The following EMC3 variants were observed in gnomAD, a reference collection of about 807,000 sequenced individuals.
EMC3 encodes 30 kDa protein.
Under a neutral mutation model 36.6 loss-of-function variants are expected in EMC3, and 13 were observed. That is an observed-to-expected ratio of 0.35 (90% confidence interval 0.23 to 0.56). The LOEUF is 0.56. Among genes scored for constraint, EMC3 ranks in the 20% least tolerant of loss-of-function variants. The pLI is 0.84. For synonymous variants in EMC3, 120 were observed against 111.9 expected (o/e 1.07, Z -0.46); for missense variants, 220 against 324.5 (o/e 0.68, Z 2.47).
chr3:10,004,842 G>C lies in EMC3; in HGVS notation c.-242+6181C>G, dbSNP rs1292161428. 2.0e-5 allele frequency: 3 copies of C among 152,450 alleles called. No individual in the cohort carries two copies. In the East Asian group the frequency reaches 5.8e-4, roughly 29 times the overall value. The allele number at this position is 152,450 out of a possible 1,614,324, so 9.4% of individuals were successfully genotyped here. The stretch of plus-strand genomic sequence containing the variant: ...ACGGCCCTCAGACCCAGAGGGTTTG[G>C]AGCCTGGGGTATTGTCACCGACAGT... On this transcript the variant is annotated intron_variant, in intron 1 of 8. Transcript: ENST00000470827.
upstream of EMC3, among the ~76,000 whole-genome samples, chr3:9,990,702 AT>A (rs2086038938): frequency 6.7e-6 from 1 of 149,710 alleles, no homozygotes; most frequent in South Asian, 2.1e-4. Flanking sequence ...CAGAGATGGG[AT>A]TTCACCATAT....
rs531900812 is a variant in EMC3 at position 10,008,688 on chromosome 3, C to T, written c.-242+2335G>A. ...ACAGATGGCAAAGATTTGCTGTTTA[C>T]CCCGTCCCAGGCTGCCCCGCACCCA... On this transcript the variant is annotated intron_variant, in intron 1 of 8. Transcript: ENST00000470827. 4 of 352,224 alleles carry T rather than the reference C, an allele frequency of 1.1e-5. No individual in the cohort carries two copies. In the East Asian group the frequency reaches 2.4e-4, roughly 21 times the overall value. The allele number at this position is 352,224 out of a possible 1,614,324, so 21.8% of individuals were successfully genotyped here. A position where few individuals can be genotyped will look rare whatever the true frequency, so the allele number is the denominator to read the frequency against.
rs2085856998 is a variant in EMC3, at chr3:9,976,995, T to G, written c.269A>C (p.Lys90Thr). 1.2e-6 allele frequency: 2 copies of G among 1,612,950 alleles called. No homozygotes were observed. The highest frequency in any genetic ancestry group is 1.7e-6 in the Non-Finnish European group (2 of 1,179,764). ...AGGTGGCACTACCTTCCGTTTAGTTTTTTTGAAAAATCCATCCTCTGGGTT... is the reference window on the plus strand; with the variant it reads ...AGGTGGCACTACCTTCCGTTTAGTTGTTTTGAAAAATCCATCCTCTGGGTT... ...FNNPEDGFFKKTKRKVVPPSP... is the reference protein window; with the variant it reads ...FNNPEDGFFKTTKRKVVPPSP... The change falls in exon 3 of 8, where the codon AAA becomes ACA. Residue 90 changes from lysine (K) to threonine (T), a missense_variant. By Grantham distance (78) the Lys-to-Thr change is moderately conservative. Coordinates refer to ENST00000245046, the MANE Select transcript of EMC3 (RefSeq NM_001394674.1).
At chr3:9,976,796 A>G (rs576580688) in intron 3 of EMC3, among the ~76,000 whole-genome samples, 161 bp downstream of exon 3, 299 of 152,286 alleles carry the variant, frequency 2.0e-3, no homozygotes, top group Non-Finnish European at 3.3e-3. Flanking sequence ...AGAGAATTCC[A>G]CTTCCATAGA....
intron 1 of EMC3, among the ~76,000 whole-genome samples, chr3:9,984,121 C>T (rs1362307764): frequency 2.7e-5 from 4 of 150,838 alleles, no homozygotes; most frequent in Non-Finnish European, 4.4e-5. Context: ...CTCGCTCTGT[C>T]GCCAGGCTGG....
chr3:9,971,111 T>TG (rs1371882923), intron 5 of EMC3, among the ~76,000 whole-genome samples: 3 of 152,044 alleles, frequency 2.0e-5, no homozygotes, highest in Admixed American at 1.3e-4. Context: ...TTATTAGAGA[T>TG]GGGGTCTCAC....
intron 1 of EMC3, among the ~76,000 whole-genome samples, chr3:9,998,366 AAATAATAATAATAATAATAAT>A (rs35879571): frequency 8.0e-5 from 11 of 137,386 alleles, no homozygotes; most frequent in African/African-American, 2.7e-4. Flanking sequence ...ACTCTGTCTC[AAATAATAATAATAATAATAAT>A]AATAATAATA....
At chr3:9,969,290 T>C (rs2085761867) in intron 7 of EMC3, 2 of 1,092,992 alleles carry the variant, frequency 1.8e-6, no homozygotes, top group Admixed American at 9.9e-5. Context: ...GTTTCTATCA[T>C]GAAACACAGT....
At chr3:9,984,846 G>A (rs2085952912) in intron 1 of EMC3, among the ~76,000 whole-genome samples, 1 of 152,238 alleles carries the variant, frequency 6.6e-6, no homozygotes, top group Non-Finnish European at 1.5e-5. Context: ...GTCACCCTGT[G>A]TGACGCTGTA....
rs1170826701 is a variant in EMC3, at chr3:9,970,507, C to A, written c.574+75G>T. 4.1e-5 allele frequency: 61 copies of A among 1,484,876 alleles called. 1 individual carries two copies. The highest frequency in any genetic ancestry group is 1.7e-5 in the Admixed American group (1 of 59,846). The allele number at this position is 1,484,876 out of a possible 1,614,324, so 92.0% of individuals were successfully genotyped here. Reference sequence around the variant, plus strand: ...CTATGGTAACAAACAGCACAACCTACAAGACTTTTCTGGCTCTAATATGGA... The same window carrying A: ...CTATGGTAACAAACAGCACAACCTAAAAGACTTTTCTGGCTCTAATATGGA... On this transcript the variant is annotated intron_variant, in intron 6 of 7. Transcript: ENST00000245046.
At chr3:9,997,291 C>T (rs1255863794) in intron 1 of EMC3, among the ~76,000 whole-genome samples, 1 of 151,128 alleles carries the variant, frequency 6.6e-6, no homozygotes, top group East Asian at 1.9e-4. Flanking sequence ...AGGATGGTCT[C>T]GATCTCCTGA....
upstream of EMC3, among the ~76,000 whole-genome samples, chr3:9,989,487 A>G (rs504587): frequency 4.4e-4 from 67 of 152,342 alleles, 2 homozygotes; most frequent in East Asian, 0.011. Flanking sequence ...ATAAAAAGCC[A>G]GATGATTGAG....
At chr3:9,988,391 A>G, upstream of EMC3, 4 of 1,255,376 alleles carry the variant, frequency 3.2e-6, no homozygotes, top group Non-Finnish European at 4.7e-6. Flanking sequence ...AAATCAAGAA[A>G]GCAGCGGTCA....
intron 1 of EMC3, among the ~76,000 whole-genome samples, chr3:10,001,314 C>A (rs1405795897): frequency 6.6e-6 from 1 of 151,078 alleles, no homozygotes; most frequent in Non-Finnish European, 1.5e-5. Context: ...GTATTCCCAG[C>A]ACTTTGGGGG....
chr3:9,985,701 C>G (rs2085963023), intron 1 of EMC3, among the ~76,000 whole-genome samples: 1 of 152,080 alleles, frequency 6.6e-6, no homozygotes, highest in African/African-American at 2.4e-5. Context: ...CGAGAACAGC[C>G]TGGCCAAGAT....
At chr3:9,987,361 G>A, upstream of EMC3, 1 of 953,098 alleles carries the variant, frequency 1.0e-6, no homozygotes, top group Non-Finnish European at 1.2e-6. Context: ...CTTCTCTGGG[G>A]CTCCGCGCCC....
chr3:9,969,947 G>C, intron 6 of EMC3, 146 bp from the exon 7 acceptor site: 1 of 1,342,710 alleles, frequency 7.4e-7, no homozygotes, highest in South Asian at 1.6e-5. Context: ...GTGACTCTAG[G>C]AAAGTCACTT....
At chr3:9,996,991 A>G (rs2086134010) in intron 1 of EMC3, among the ~76,000 whole-genome samples, 1 of 152,140 alleles carries the variant, frequency 6.6e-6, no homozygotes. Flanking sequence ...AGCATTAAGT[A>G]TATTCATAAT....
At chr3:10,005,010 GTT>G (rs1177461808) in intron 1 of EMC3, 1 of 152,234 alleles carries the variant, frequency 6.6e-6, no homozygotes, top group Non-Finnish European at 1.5e-5. Context: ...AAAACTATCA[GTT>G]CATAGACACC....
Sources: allele counts gnomAD v4.1 joint callset (sites outside exome capture counted in the v4.1 genomes callset), GRCh38; gene constraint gnomAD v4.1.1; transcripts MANE v1.5; gene names NCBI Gene and HGNC (gene_info 2026-07-23, HGNC 2026-07-21).